Variants in ANKHD1 observed in about 807,000 individuals in gnomAD.
The protein encoded by ANKHD1 is ankyrin repeat and KH domain-containing protein 1.
ANKHD1 carries 31 observed loss-of-function variants against 230.5 expected under a neutral mutation model. That is an observed-to-expected ratio of 0.13 (90% CI 0.10 to 0.18). The LOEUF is 0.18. Among genes scored for constraint, ANKHD1 ranks in the 10% least tolerant of loss-of-function variants. ANKHD1 has a pLI of 1.00. For synonymous variants in ANKHD1, 1,074 were observed against 1,117.6 expected, an observed-to-expected ratio of 0.96 and a Z score of 0.78; for missense variants, 2,256 against 3,071.3, an observed-to-expected ratio of 0.73 and a Z score of 6.27.
intron 1 of ANKHD1, among the ~76,000 whole-genome samples, chr5:140,425,111 C>CTA (rs1362442450): frequency 6.6e-6 from 1 of 152,076 alleles, no homozygotes; most frequent in East Asian, 1.9e-4. Flanking sequence ...TGTGTTAAAG[C>CTA]TATAGTTTAA....
intron 15 of ANKHD1, among the ~76,000 whole-genome samples, chr5:140,499,871 CT>C (rs543786978): frequency 0.058 from 8,112 of 140,276 alleles, 635 homozygotes; most frequent in African/African-American, 0.19. Flanking sequence ...AATTTTCTTT[CT>C]TTTTTTTTTT....
chr5:140,432,514 A>G (rs1773124951), intron 1 of ANKHD1, among the ~76,000 whole-genome samples: 1 of 152,226 alleles, frequency 6.6e-6, no homozygotes, highest in Non-Finnish European at 1.5e-5. Flanking sequence ...GCTGTTATAA[A>G]GAATGCAGGT....
chr5:140,429,256 G>T lies in ANKHD1; in HGVS notation c.307-6848G>T, dbSNP rs959240976. ...CTACAGGCGCCTGCCACCACGCCCGGCTAATTTTTGTATTTTTAGTAAAGA... is the reference window on the plus strand; with the variant it reads ...CTACAGGCGCCTGCCACCACGCCCGTCTAATTTTTGTATTTTTAGTAAAGA... On this transcript the variant is annotated intron_variant, in intron 1 of 33. Coordinates refer to ENST00000360839, the MANE Select transcript of ANKHD1 (RefSeq NM_017747.3). Among the ~76,000 whole-genome samples, 4 of 150,294 alleles carry T rather than the reference G, an allele frequency of 2.7e-5. No homozygotes were observed. The Admixed American group carries it at 2.7e-4, about 10-fold the overall frequency.
chr5:140,499,055 A>G (rs1021361587), intron 15 of ANKHD1, among the ~76,000 whole-genome samples: 1 of 152,032 alleles, frequency 6.6e-6, no homozygotes, highest in African/African-American at 2.4e-5. Flanking sequence ...TACCTACCAC[A>G]TTGTACAATA....
intron 14 of ANKHD1, among the ~76,000 whole-genome samples, chr5:140,487,880 T>C (rs1255475465): frequency 6.6e-6 from 1 of 152,208 alleles, no homozygotes; most frequent in African/African-American, 2.4e-5. Flanking sequence ...TATATAAATA[T>C]CTGTAACACT....
rs1486485902 is a variant in ANKHD1, at chr5:140,445,893, A to T, written c.1065A>T (p.Arg355Ser). Residue 355 changes from arginine (R) to serine (S), a missense_variant, in exon 6 of 34, where the codon AGA (arginine) becomes AGT (serine). Arg to Ser is a moderately radical substitution (Grantham distance 110, BLOSUM62 -1). This residue lies in a region of ANKHD1 where 206 missense variants were observed against 304.5 expected (regional missense o/e 0.68). Coordinates refer to ENST00000360839, the MANE Select transcript of ANKHD1 (RefSeq NM_017747.3). The part of the protein sequence containing the change: ...AASAGHVEVA[R>S]VLLDHGAGIN... The stretch of plus-strand genomic sequence containing the variant: ...GTGCAGGTCATGTGGAAGTTGCAAG[A>T]GTTCTTTTAGATCATGGTGCAGGCA... 2.5e-6 allele frequency: 4 copies of T among 1,613,700 alleles called. No homozygotes were observed. The East Asian group carries it at 8.9e-5, about 36-fold the overall frequency.
chr5:140,451,541 C>G (rs1422476770), intron 7 of ANKHD1, among the ~76,000 whole-genome samples: 1 of 152,082 alleles, frequency 6.6e-6, no homozygotes, highest in Non-Finnish European at 1.5e-5. Context: ...GAGACAGGGT[C>G]TCTATCATTC....
chr5:140,514,629 A>G (rs1475363841), intron 24 of ANKHD1, among the ~76,000 whole-genome samples: 1 of 152,246 alleles, frequency 6.6e-6, no homozygotes, highest in Non-Finnish European at 1.5e-5. Flanking sequence ...CATTCAAAAA[A>G]ATATATTTTG....
At chr5:140,492,850 G>A (rs894881598) in intron 14 of ANKHD1, among the ~76,000 whole-genome samples, 6 of 152,080 alleles carry the variant, frequency 3.9e-5, no homozygotes, top group Admixed American at 1.3e-4. Context: ...ATGATTGATA[G>A]GATTAAGCTC....
intron 7 of ANKHD1, among the ~76,000 whole-genome samples, chr5:140,458,371 G>A (rs1685843855): frequency 6.6e-6 from 1 of 152,094 alleles, no homozygotes; most frequent in African/African-American, 2.4e-5. Flanking sequence ...ATGTCACCAA[G>A]TCTCATTCTT....
rs370555001 is a variant in ANKHD1 at position 140,458,776 on chromosome 5, A to G, written c.1394A>G (p.Glu465Gly). The change falls in exon 8 of 34, where the codon GAA becomes GGA. Residue 465 changes from glutamate (E) to glycine (G), a missense_variant. This residue lies in a region of ANKHD1 where 179 missense variants were observed against 261.8 expected (regional missense o/e 0.68). Transcript: ENST00000360839. Reference protein sequence around the residue: ...ALLIERGANLEEVNDEGYTPL... With the variant: ...ALLIERGANLGEVNDEGYTPL... ...CTTATTGAAAGGGGAGCAAATCTTG[A>G]AGAAGTTAATGATGAAGGATACACT... 7 of 1,613,274 alleles carry G rather than the reference A, an allele frequency of 4.3e-6. No homozygotes were observed. The highest frequency in any genetic ancestry group is 5.9e-6 in the Non-Finnish European group (7 of 1,179,758).
chr5:140,430,719 C>T (rs1370646851), intron 1 of ANKHD1, among the ~76,000 whole-genome samples: 2 of 147,588 alleles, frequency 1.4e-5, no homozygotes, highest in Admixed American at 1.4e-4. Context: ...AGTGGAATGG[C>T]ATGATCATGG....
intron 1 of ANKHD1, among the ~76,000 whole-genome samples, chr5:140,412,899 T>C (rs1344879460): frequency 6.6e-6 from 1 of 152,226 alleles, no homozygotes; most frequent in Non-Finnish European, 1.5e-5. Context: ...TAGCAACTAT[T>C]TGTGGAAGAG....
intron 1 of ANKHD1, among the ~76,000 whole-genome samples, chr5:140,414,874 G>A (rs1771229768): frequency 6.7e-6 from 1 of 150,210 alleles, no homozygotes; most frequent in African/African-American, 2.4e-5. Context: ...GTTTTTTATT[G>A]TTTAGTTGTA....
In ANKHD1 at chr5:140,496,997, ATGT is replaced by A. The variant is rs759172862; in HGVS notation, c.2726_2728del (p.Val909del). 5.0e-6 allele frequency: 8 copies of A among 1,614,146 alleles called. No homozygotes were observed. The highest frequency in any genetic ancestry group is 6.8e-6 in the Non-Finnish European group (8 of 1,180,008). Reference sequence around the variant, plus strand: ...GACACAATCTTATTTAAAGATAATGATGTTGATGATGAGCAACAGTCTCCACCA... The same window carrying A: ...GACACAATCTTATTTAAAGATAATGATGATGATGAGCAACAGTCTCCACCA... On this transcript the variant is annotated inframe_deletion, in exon 15 of 34. Transcript: ENST00000360839.
At chr5:140,415,136 C>G (rs531814301) in intron 1 of ANKHD1, among the ~76,000 whole-genome samples, 1 of 151,984 alleles carries the variant, frequency 6.6e-6, no homozygotes, top group African/African-American at 2.4e-5. Context: ...ATAATCCCAG[C>G]GCTTTGGGGG....
chr5:140,468,578 A>G (rs1366645306), intron 10 of ANKHD1, among the ~76,000 whole-genome samples: 1 of 152,244 alleles, frequency 6.6e-6, no homozygotes, highest in Non-Finnish European at 1.5e-5. Flanking sequence ...AAATCTTATA[A>G]ATAGAAAACA....
chr5:140,447,114 A>T (rs536346797), intron 6 of ANKHD1, among the ~76,000 whole-genome samples: 15 of 151,846 alleles, frequency 9.9e-5, no homozygotes, highest in Non-Finnish European at 1.8e-4. Flanking sequence ...TCATCATATT[A>T]GTCAGTCTGG....
chr5:140,471,404 G>A (rs767756207), intron 10 of ANKHD1, among the ~76,000 whole-genome samples: 1 of 152,192 alleles, frequency 6.6e-6, no homozygotes, highest in Non-Finnish European at 1.5e-5. Context: ...AATGGGACTG[G>A]CTATTTATTG....
Sources: gnomAD v4.1 joint callset for allele counts (sites outside exome capture counted in the v4.1 genomes callset) on GRCh38, gnomAD v4.1.1 for gene constraint, gnomAD v4.1.1 regional missense constraint, MANE v1.5 for transcripts, NCBI Gene and HGNC (gene_info 2026-07-23, HGNC 2026-07-21) for gene names.